The following GJA9 variants were observed in gnomAD, a reference collection of about 807,000 sequenced individuals.
GJA9 encodes gap junction protein alpha 9, also known as gap junction alpha-9 protein.
GJA9 carries 1 observed loss-of-function variant against 0.4 expected under a neutral mutation model. The observed-to-expected ratio is 2.50, with a 90% CI of 0.89 to 11.88. The LOEUF is 11.88. Among genes scored for constraint, GJA9 ranks in the 30% most tolerant of loss-of-function variants. The probability of loss-of-function intolerance (pLI) is 0.12; values close to 1 mark genes in which losing one functional copy is unlikely to be tolerated. For synonymous variants in GJA9, 190 were observed against 219.1 expected (o/e 0.87, Z 1.17); for missense variants, 550 against 602.8 (o/e 0.91, Z 0.92).
chr1:38,880,511 C>T (rs1192918262), intron 1 of GJA9, among the ~76,000 whole-genome samples: 3 of 151,318 alleles, frequency 2.0e-5, no homozygotes, highest in Non-Finnish European at 4.4e-5. Flanking sequence ...TGGCCAGGCG[C>T]GGTGGCTCAC....
Position 38,875,850 on chromosome 1 carries a change from T to C in GJA9, c.249A>G (p.Ile83Met). The change falls in exon 2 of 2, where the codon ATA becomes ATG. Residue 83 changes from isoleucine to methionine, a missense_variant. Physicochemically the swap from Ile to Met is conservative, Grantham distance 10. Transcript: ENST00000357771. Reference protein sequence around the residue: ...SLIRYWVLQVIFVSSPSLVYM... With the variant: ...SLIRYWVLQVMFVSSPSLVYM... Reference sequence around the variant, plus strand: ...AGACCAGGGATGGTGAAGACACAAATATCACCTGCAGAACCCAGTATCTAA... The same window carrying C: ...AGACCAGGGATGGTGAAGACACAAACATCACCTGCAGAACCCAGTATCTAA... 2 of 1,614,112 alleles carry C rather than the reference T, an allele frequency of 1.2e-6. No individual in the cohort carries two copies. The highest frequency in any genetic ancestry group is 1.7e-6 in the Non-Finnish European group (2 of 1,180,014).
At position 38,875,641 on chromosome 1, in the gene GJA9, A is replaced by C. The variant is rs749707177; in HGVS notation, c.458T>G (p.Leu153Trp). The change falls in exon 2 of 2, where the codon TTG (leucine) becomes TGG (tryptophan). Residue 153 changes from leucine to tryptophan, a missense_variant. Transcript: ENST00000357771. The stretch of plus-strand genomic sequence containing the variant: ...AATGTGTATCACATAAGTGCAAAGC[A>C]AGGTTCCTCTGAGTGGAGCTTTATT... ...KLNKAPLRGT[L>W]LCTYVIHIFT... 9 of 1,614,142 alleles carry C rather than the reference A, an allele frequency of 5.6e-6. No individual in the cohort carries two copies. In the South Asian group the frequency reaches 9.9e-5, roughly 18 times the overall value.
intron 1 of GJA9, among the ~76,000 whole-genome samples, chr1:38,877,855 T>G (rs1642617658): frequency 6.6e-6 from 1 of 152,292 alleles, no homozygotes; most frequent in South Asian, 2.1e-4. Context: ...TATGCTTCAT[T>G]TGATAATTCA....
At chr1:38,878,810 C>T (rs1406933040) in intron 1 of GJA9, among the ~76,000 whole-genome samples, 4 of 147,830 alleles carry the variant, frequency 2.7e-5, no homozygotes, top group Non-Finnish European at 4.5e-5. Flanking sequence ...CTCGGCTCAC[C>T]GCAACCTCCA....
At position 38,875,467 on chromosome 1, in the gene GJA9, A is replaced by ACT. The variant is rs766999812; in HGVS notation, c.631_632insAG (p.Phe211Ter). Reference protein sequence around the residue: ...FVSRPTEKTIFLLFMQSIATI... With the variant: ...FVSRPTEKTI ...GGCTATAGATTGCATAAATAATAGGAATATTGTCTTTTCTGTTGGTCTTGA... is the reference window on the plus strand; with the variant it reads ...GGCTATAGATTGCATAAATAATAGGACTATATTGTCTTTTCTGTTGGTCTTGA... The change falls in exon 2 of 2, where the codon TTC (phenylalanine) becomes TAGTC (stop). Residue 211 changes from phenylalanine to a stop codon, truncating the protein, a stop_gained and frameshift_variant. Transcript: ENST00000357771. LOFTEE classifies it low-confidence loss of function (END_TRUNC). 6.2e-7 allele frequency: 1 copy of ACT among 1,614,142 alleles called. No individual in the cohort carries two copies.
chr1:38,881,296 C>A, intron 1 of GJA9, 136 bp downstream of exon 1: 1 of 495,456 alleles, frequency 2.0e-6, no homozygotes, highest in South Asian at 3.4e-5. Flanking sequence ...TATTTAGCTA[C>A]AAATTAAAGC....
intron 1 of GJA9, among the ~76,000 whole-genome samples, chr1:38,878,176 T>A (rs1642624095): frequency 6.6e-6 from 1 of 151,932 alleles, no homozygotes; most frequent in Non-Finnish European, 1.5e-5. Context: ...CTTCCCAGGT[T>A]CAAGTGATTC....
rs151296913 is a variant in GJA9 at position 38,875,868 on chromosome 1, G to C, written c.231C>G (p.Tyr77Ter). ...DQAFPISLIR[Y>*]WVLQVIFVSS... ...ACACAAATATCACCTGCAGAACCCA[G>C]TATCTAATGAGGGAGATAGGAAAGG... is the stretch of plus-strand genomic sequence containing the variant. Residue 77 changes from tyrosine to a stop codon, truncating the protein, a stop_gained, in exon 2 of 2, where the codon TAC becomes TAG. Transcript: ENST00000357771. LOFTEE classifies it low-confidence loss of function (END_TRUNC). 6.8e-6 allele frequency: 11 copies of C among 1,614,186 alleles called. No individual in the cohort carries two copies. The highest frequency in any genetic ancestry group is 8.5e-6 in the Non-Finnish European group (10 of 1,180,028).
chr1:38,874,485 C>T lies in GJA9; in HGVS notation c.*66G>A. On this transcript the variant is annotated 3_prime_UTR_variant, in exon 2 of 2. Coordinates refer to ENST00000357771, the MANE Select transcript of GJA9 (RefSeq NM_030772.5). ...TTAGAGCTGCCCCTATCTATTTTTT[C>T]TGTGCCCCACGACCACTAGGCTACT... is the stretch of plus-strand genomic sequence containing the variant. 2 of 1,267,352 alleles carry T rather than the reference C, an allele frequency of 1.6e-6. No individual in the cohort carries two copies. The highest frequency in any genetic ancestry group is 2.1e-5 in the Admixed American group (1 of 48,032). The allele number at this position is 1,267,352 out of a possible 1,614,324, so 78.5% of individuals were successfully genotyped here.
rs1642564521 is a variant in GJA9 at position 38,875,333 on chromosome 1, G to A, written c.766C>T (p.His256Tyr). ...YKLKKEHNEFHANKAKQNVAK... is the reference protein window; with the variant it reads ...YKLKKEHNEFYANKAKQNVAK... ...ACATTTTGTTTTGCCTTGTTTGCAT[G>A]GAATTCATTATGTTCCTTCTTCAAC... The change falls in exon 2 of 2, where the codon CAT becomes TAT. Residue 256 changes from histidine (H) to tyrosine (Y), a missense_variant. By Grantham distance (83) the His-to-Tyr change is moderately conservative (BLOSUM62 2). Coordinates refer to ENST00000357771, the MANE Select transcript of GJA9 (RefSeq NM_030772.5). 1 of 1,613,932 alleles carries A rather than the reference G, an allele frequency of 6.2e-7. No individual in the cohort carries two copies. The highest frequency in any genetic ancestry group is 8.5e-7 in the Non-Finnish European group (1 of 1,180,006).
chr1:38,879,095 A>C (rs1220911628), intron 1 of GJA9, among the ~76,000 whole-genome samples: 1 of 152,272 alleles, frequency 6.6e-6, no homozygotes, highest in East Asian at 1.9e-4. Flanking sequence ...GTATGGTGGC[A>C]GTATTATGGA....
At chr1:38,880,400 C>A (rs1224573263) in intron 1 of GJA9, among the ~76,000 whole-genome samples, 4 of 69,708 alleles carry the variant, frequency 5.7e-5, no homozygotes, top group Admixed American at 1.8e-4. Flanking sequence ...AAGACTCTGT[C>A]TCAAAAAAAA....
Position 38,874,277 on chromosome 1 carries a change from A to G in GJA9, c.*274T>C, listed in dbSNP as rs181214902. The G allele has an allele frequency of 9.4e-5, 37 of 392,852 alleles. No homozygotes were observed. Among genetic ancestry groups the G allele is most frequent in the Non-Finnish European group, 1.5e-4 (32 of 216,404 alleles). 24.3% of individuals were successfully genotyped at this position (392,852 alleles called of 1,614,324 possible). ...AACCTGATCAAACCATTTAGCCTCA[A>G]TTCTGAACATGTGATTTTCCCAAAA... On this transcript the variant is annotated 3_prime_UTR_variant, in exon 2 of 2. Coordinates refer to ENST00000357771, the MANE Select transcript of GJA9 (RefSeq NM_030772.5).
chr1:38,877,900 A>G (rs1220410556), intron 1 of GJA9, among the ~76,000 whole-genome samples: 1 of 152,210 alleles, frequency 6.6e-6, no homozygotes, highest in East Asian at 1.9e-4. Flanking sequence ...CAGAGGAAAC[A>G]GATCTGGCTG....
chr1:38,877,866 G>C (rs922277017), intron 1 of GJA9, among the ~76,000 whole-genome samples: 1 of 152,134 alleles, frequency 6.6e-6, no homozygotes, highest in Non-Finnish European at 1.5e-5. Context: ...TGATAATTCA[G>C]TAAGATATGG....
intron 1 of GJA9, among the ~76,000 whole-genome samples, chr1:38,876,881 T>C (rs1320171902): frequency 6.6e-6 from 1 of 151,790 alleles, no homozygotes; most frequent in Non-Finnish European, 1.5e-5. Context: ...TAGTCCCAGC[T>C]ACTCGGGAGG....
intron 1 of GJA9, among the ~76,000 whole-genome samples, chr1:38,880,548 C>T (rs1642678442): frequency 6.6e-6 from 1 of 150,650 alleles, no homozygotes; most frequent in African/African-American, 2.4e-5. Flanking sequence ...CTTTGGGAGG[C>T]ACAGGCGGGC....
chr1:38,880,789 A>G (rs930572697), intron 1 of GJA9, among the ~76,000 whole-genome samples: 1 of 151,476 alleles, frequency 6.6e-6, no homozygotes, highest in Non-Finnish European at 1.5e-5. Flanking sequence ...CTCAAAAAAT[A>G]AAAAAAAAGT....
At position 38,874,891 on chromosome 1, in the gene GJA9, T is replaced by G. The variant is rs1448758704; in HGVS notation, c.1208A>C (p.Gln403Pro). The G allele has an allele frequency of 1.2e-6, 2 of 1,614,248 alleles. No individual in the cohort carries two copies. Among genetic ancestry groups the G allele is most frequent in the South Asian group, 1.1e-5 (1 of 91,088 alleles). Residue 403 changes from glutamine to proline, a missense_variant, in exon 2 of 2, where the codon CAG becomes CCG. Gln to Pro is a moderately conservative substitution (Grantham distance 76). Transcript: ENST00000357771. ...CAAGGAGAAAACTGTTTGGGGTGACTGCCTCATGTTGTTCTCTCCATCTAT... is the reference window on the plus strand; with the variant it reads ...CAAGGAGAAAACTGTTTGGGGTGACGGCCTCATGTTGTTCTCTCCATCTAT... ...VAIDGENNMR[Q>P]SPQTVFSLPA...
Sources: allele counts gnomAD v4.1 joint callset (sites outside exome capture counted in the v4.1 genomes callset), GRCh38; gene constraint gnomAD v4.1.1; transcripts MANE v1.5; gene names NCBI Gene and HGNC (gene_info 2026-07-23, HGNC 2026-07-21).